SHQ1: variants seen among roughly 807,000 people sequenced by gnomAD.
SHQ1 encodes protein SHQ1 homolog.
A neutral mutation model predicts 53.8 loss-of-function variants in SHQ1; 49 were observed. That is an observed-to-expected ratio of 0.91 (90% CI 0.72 to 1.16). The LOEUF (loss-of-function observed/expected upper bound fraction) is 1.16. Ranked by LOEUF, SHQ1 falls within the 50% of genes most tolerant of loss-of-function variation. SHQ1 has a pLI of 0.00. For missense variants in SHQ1, 738 were observed against 683.1 expected, an observed-to-expected ratio of 1.08 and a Z score of -0.90; for synonymous variants, 243 against 251.0, an observed-to-expected ratio of 0.97 and a Z score of 0.30.
chr3:72,761,751 T>G (rs1184062590), intron 10 of SHQ1, among the ~76,000 whole-genome samples: 1 of 152,112 alleles, frequency 6.6e-6, no homozygotes, highest in Non-Finnish European at 1.5e-5. Context: ...TGGCACCTTC[T>G]TTGAGCCATG....
chr3:72,791,307 A>G (rs901582155), intron 10 of SHQ1, among the ~76,000 whole-genome samples: 2 of 152,216 alleles, frequency 1.3e-5, no homozygotes, highest in African/African-American at 4.8e-5. Context: ...AGGAGGATCA[A>G]ATGAAGTGAT....
At chr3:72,787,139 T>G (rs1706256960) in intron 10 of SHQ1, among the ~76,000 whole-genome samples, 1 of 152,232 alleles carries the variant, frequency 6.6e-6, no homozygotes, top group Non-Finnish European at 1.5e-5. Context: ...TCTTGTGATA[T>G]AGCTGTTTCC....
In SHQ1 at chr3:72,844,506, A is replaced by G. The variant is rs572531981; in HGVS notation, c.144-83T>C. The stretch of plus-strand genomic sequence containing the variant: ...CATCAATACTTGCAAACATTTAACC[A>G]TCAAAATATATCAATCATTTTTTAA... On this transcript the variant is annotated intron_variant, in intron 1 of 10. Coordinates refer to ENST00000325599, the MANE Select transcript of SHQ1 (RefSeq NM_018130.3). 1.7e-5 allele frequency: 16 copies of G among 946,894 alleles called. No homozygotes were observed. The East Asian group carries it at 3.4e-4, about 20-fold the overall frequency. 58.7% of individuals were successfully genotyped at this position (946,894 alleles called of 1,614,324 possible).
At chr3:72,768,670 A>G (rs1404506077) in intron 10 of SHQ1, among the ~76,000 whole-genome samples, 2 of 152,216 alleles carry the variant, frequency 1.3e-5, no homozygotes, top group Non-Finnish European at 2.9e-5. Context: ...CATGTCAGTG[A>G]GAGGAGTTGG....
At chr3:72,837,596 A>G (rs921029217) in intron 4 of SHQ1, among the ~76,000 whole-genome samples, 1 of 152,228 alleles carries the variant, frequency 6.6e-6, no homozygotes, top group Non-Finnish European at 1.5e-5. Context: ...ACATCTCTTC[A>G]TCTATAGGCA....
At chr3:72,791,812 A>G (rs979446273) in intron 10 of SHQ1, among the ~76,000 whole-genome samples, 1 of 152,022 alleles carries the variant, frequency 6.6e-6, no homozygotes. Flanking sequence ...TCAGCCTCCC[A>G]AAGTGCTGGG....
At chr3:72,787,510 T>C (rs1017401324) in intron 10 of SHQ1, among the ~76,000 whole-genome samples, 2 of 152,252 alleles carry the variant, frequency 1.3e-5, no homozygotes, top group African/African-American at 4.8e-5. Flanking sequence ...ACAGTTTTAA[T>C]GTGAAATTTT....
At chr3:72,763,058 CACACAGAGAGAG>C (rs779100996) in intron 10 of SHQ1, among the ~76,000 whole-genome samples, 7 of 134,642 alleles carry the variant, frequency 5.2e-5, no homozygotes, top group South Asian at 4.6e-4. Flanking sequence ...CACACACACA[CACACAGAGAGAG>C]AGAGAGAGAG....
rs1707586138 is a variant in SHQ1 at position 72,824,493 on chromosome 3, TCCA to T, written c.655_657del (p.Trp219del). 4 of 1,613,116 alleles carry T rather than the reference TCCA, an allele frequency of 2.5e-6. No individual in the cohort carries two copies. The East Asian group carries it at 8.9e-5, about 36-fold the overall frequency. Reference sequence around the variant, plus strand: ...GCCATCATTTTTGAATATTTGTCAGTCCACCAAGGATTATACTTCAAAATCTGT... The same window carrying T: ...GCCATCATTTTTGAATATTTGTCAGTCCAAGGATTATACTTCAAAATCTGT... On this transcript the variant is annotated inframe_deletion, in exon 6 of 11. Coordinates refer to ENST00000325599, the MANE Select transcript of SHQ1 (RefSeq NM_018130.3).
chr3:72,736,427 T>A, the SHQ1 span, among the ~76,000 whole-genome samples: 1 of 151,764 alleles, frequency 6.6e-6, no homozygotes. Context: ...ATTAGGTAAG[T>A]ACCTACATAA....
chr3:72,745,526 A>G (rs1705244368), downstream of SHQ1, among the ~76,000 whole-genome samples: 1 of 152,328 alleles, frequency 6.6e-6, no homozygotes, highest in East Asian at 1.9e-4. Flanking sequence ...GGCATAATTA[A>G]TATTTCTATC....
intron 10 of SHQ1, among the ~76,000 whole-genome samples, chr3:72,765,557 A>ATATATATATATATATTT (rs1491527508): frequency 1.4e-4 from 8 of 57,186 alleles, no homozygotes; most frequent in African/African-American, 6.3e-4. Flanking sequence ...ATATATATAT[A>ATATATATATATATATTT]TTTTTTTTTT....
At chr3:72,840,822 A>G (rs963236334) in intron 4 of SHQ1, among the ~76,000 whole-genome samples, 1 of 152,168 alleles carries the variant, frequency 6.6e-6, no homozygotes, top group Non-Finnish European at 1.5e-5. Flanking sequence ...AGGGGAGAAA[A>G]AAGAAAGCCA....
intron 5 of SHQ1, among the ~76,000 whole-genome samples, chr3:72,828,954 A>T (rs564004224): frequency 1.3e-5 from 2 of 152,254 alleles, no homozygotes; most frequent in South Asian, 2.1e-4. Flanking sequence ...GGATCTGAAG[A>T]AGTCCAGACT....
Position 72,842,366 on chromosome 3 carries a change from C to G in SHQ1, c.245G>C (p.Gly82Ala), listed in dbSNP as rs1173444435. The G allele has an allele frequency of 1.2e-6, 2 of 1,613,704 alleles. No homozygotes were observed. The highest frequency in any genetic ancestry group is 4.5e-5 in the East Asian group (2 of 44,870). Residue 82 changes from glycine (G) to alanine (A), a missense_variant, in exon 3 of 11, where the codon GGC (glycine) becomes GCC (alanine). By Grantham distance (60) the Gly-to-Ala change is moderately conservative (BLOSUM62 0). Coordinates refer to ENST00000325599, the MANE Select transcript of SHQ1 (RefSeq NM_018130.3). Reference protein sequence around the residue: ...FTIRLPKETPGQHFEGLNMLT... With the variant: ...FTIRLPKETPAQHFEGLNMLT... ...CATGTTCAGCCCCTCAAAATGCTGGCCAGGGGTTTCTTTGGGCAGGCGAAT... is the reference window on the plus strand; with the variant it reads ...CATGTTCAGCCCCTCAAAATGCTGGGCAGGGGTTTCTTTGGGCAGGCGAAT...
intron 10 of SHQ1, among the ~76,000 whole-genome samples, chr3:72,758,965 C>A (rs185177441): frequency 2.0e-5 from 3 of 152,202 alleles, no homozygotes; most frequent in Non-Finnish European, 4.4e-5. Flanking sequence ...TTTGGTGTTG[C>A]TGGCAATCCT....
At chr3:72,776,238 A>G (rs1039734593) in intron 10 of SHQ1, among the ~76,000 whole-genome samples, 5 of 152,216 alleles carry the variant, frequency 3.3e-5, no homozygotes, top group African/African-American at 4.8e-5. Flanking sequence ...CCACATAACA[A>G]CGTTGTGGTC....
intron 2 of SHQ1, among the ~76,000 whole-genome samples, chr3:72,843,026 G>A (rs1257634080): frequency 2.0e-5 from 3 of 150,642 alleles, no homozygotes; most frequent in South Asian, 2.1e-4. Flanking sequence ...GCTGTGAGCC[G>A]AGATCGCGCC....
At chr3:72,844,682 ATAG>A (rs1708278204) in intron 1 of SHQ1, among the ~76,000 whole-genome samples, 2 of 152,216 alleles carry the variant, frequency 1.3e-5, no homozygotes, top group African/African-American at 4.8e-5. Context: ...GCCATAATAA[ATAG>A]TAGTTATCAC....
Sources: allele counts gnomAD v4.1 joint callset (sites outside exome capture counted in the v4.1 genomes callset), GRCh38; gene constraint gnomAD v4.1.1; transcripts MANE v1.5; gene names NCBI Gene and HGNC (gene_info 2026-07-23, HGNC 2026-07-21).